The following NXPE2 variants were observed in gnomAD, a reference collection of about 807,000 sequenced individuals.
NXPE2 encodes NXPE family member 2.
In NXPE2, 34 loss-of-function variants were observed where a neutral mutation model predicts 34.4. That is an observed-to-expected ratio of 0.99 (90% CI 0.75 to 1.31). The LOEUF (loss-of-function observed/expected upper bound fraction) is 1.31. Among genes scored for constraint, NXPE2 ranks in the 40% most tolerant of loss-of-function variants. The pLI is 0.00. For missense variants in NXPE2, 649 were observed against 672.5 expected, an observed-to-expected ratio of 0.97 and a Z score of 0.39; for synonymous variants, 235 against 231.3, an observed-to-expected ratio of 1.02 and a Z score of -0.15.
chr11:114,562,895 A>T, the NXPE2 span, among the ~76,000 whole-genome samples: 1 of 152,152 alleles, frequency 6.6e-6, no homozygotes, highest in Non-Finnish European at 1.5e-5. Context: ...TAGTCCTAAC[A>T]TGCTTAAGCC....
the NXPE2 span, among the ~76,000 whole-genome samples, chr11:114,507,020 A>G: frequency 3.9e-5 from 6 of 152,230 alleles, no homozygotes; most frequent in Admixed American, 6.5e-5. Context: ...AATAAACACA[A>G]TCAGAAATGA....
the NXPE2 span, among the ~76,000 whole-genome samples, chr11:114,578,974 A>C: frequency 6.6e-6 from 1 of 152,166 alleles, no homozygotes. Context: ...TCTTCTATAC[A>C]GACTTGTACT....
chr11:114,527,280 G>T, the NXPE2 span: 1 of 152,298 alleles, frequency 6.6e-6, no homozygotes, highest in East Asian at 1.9e-4. Context: ...TGAATAAATG[G>T]TGGCAATAAA....
chr11:114,729,555 C>T, the NXPE2 span, among the ~76,000 whole-genome samples: 1 of 152,124 alleles, frequency 6.6e-6, no homozygotes, highest in South Asian at 2.1e-4. Context: ...CTTTTCTCTA[C>T]AGCCTTGCCA....
At chr11:114,810,902 G>A in the NXPE2 span, among the ~76,000 whole-genome samples, 5 of 151,996 alleles carry the variant, frequency 3.3e-5, no homozygotes, top group Admixed American at 2.0e-4. Flanking sequence ...TGTTTATAGT[G>A]GCACTATTCA....
intron 2 of NXPE2, among the ~76,000 whole-genome samples, chr11:114,687,775 C>T (rs1047732855): frequency 2.0e-5 from 3 of 151,950 alleles, no homozygotes; most frequent in African/African-American, 7.2e-5. Context: ...TGATCTTTCT[C>T]CTCAACGTTT....
At chr11:114,778,362 C>T in the NXPE2 span, among the ~76,000 whole-genome samples, 1 of 152,078 alleles carries the variant, frequency 6.6e-6, no homozygotes, top group Non-Finnish European at 1.5e-5. Flanking sequence ...AAGTTTTCTT[C>T]CCAAGAATGA....
At chr11:114,632,202 ATAT>A in the NXPE2 span, among the ~76,000 whole-genome samples, 15 of 141,460 alleles carry the variant, frequency 1.1e-4, no homozygotes, top group Middle Eastern at 3.3e-3. Context: ...TCATATATAC[ATAT>A]TATATATGTA....
the NXPE2 span, among the ~76,000 whole-genome samples, chr11:114,611,713 T>A: frequency 0.019 from 2,856 of 151,790 alleles, 88 homozygotes; most frequent in African/African-American, 0.065. Context: ...TAGTTAGTAT[T>A]GCCTTGTGGG....
At chr11:114,627,706 T>A in the NXPE2 span, among the ~76,000 whole-genome samples, 1 of 152,078 alleles carries the variant, frequency 6.6e-6, no homozygotes, top group Non-Finnish European at 1.5e-5. Flanking sequence ...AATGCTCCAA[T>A]TAAAAGACAC....
At chr11:114,740,179 T>C in the NXPE2 span, among the ~76,000 whole-genome samples, 5 of 152,326 alleles carry the variant, frequency 3.3e-5, no homozygotes, top group Non-Finnish European at 5.9e-5. Context: ...GTTAGGTATA[T>C]GTGGTCTTTC....
the NXPE2 span, among the ~76,000 whole-genome samples, chr11:114,542,333 A>G: frequency 6.6e-6 from 1 of 152,194 alleles, no homozygotes. Context: ...TAATGAAAAC[A>G]TTAGAATTCA....
the NXPE2 span, among the ~76,000 whole-genome samples, chr11:114,802,617 ATT>A: frequency 6.6e-6 from 1 of 151,790 alleles, no homozygotes; most frequent in South Asian, 2.1e-4. Context: ...ACAGTCTTTT[ATT>A]TTTTTTAATA....
At chr11:114,611,099 G>T in the NXPE2 span, among the ~76,000 whole-genome samples, 2 of 151,140 alleles carry the variant, frequency 1.3e-5, no homozygotes, top group African/African-American at 2.4e-5. Flanking sequence ...GTGTTGCCTC[G>T]TGGGAAACCA....
At chr11:114,813,219 C>T in the NXPE2 span, among the ~76,000 whole-genome samples, 5 of 152,344 alleles carry the variant, frequency 3.3e-5, no homozygotes, top group African/African-American at 1.2e-4. Context: ...ACAGGTTCCT[C>T]CCAGGAGCTG....
chr11:114,811,887 C>G, the NXPE2 span, among the ~76,000 whole-genome samples: 2 of 152,192 alleles, frequency 1.3e-5, no homozygotes, highest in South Asian at 4.2e-4. Flanking sequence ...TCAGTTTTCT[C>G]ATCTGTAAAC....
chr11:114,711,979 G>A (rs1859622299), downstream of NXPE2, among the ~76,000 whole-genome samples: 1 of 152,100 alleles, frequency 6.6e-6, no homozygotes. Context: ...CAGGAAGTGT[G>A]CCACAACTAC....
At chr11:114,799,868 C>G in the NXPE2 span, among the ~76,000 whole-genome samples, 1 of 151,500 alleles carries the variant, frequency 6.6e-6, no homozygotes, top group Admixed American at 6.6e-5. Flanking sequence ...TTCATCTCAC[C>G]CTCCCTCCCT....
chr11:114,711,542 G>A (rs1461506952), downstream of NXPE2, among the ~76,000 whole-genome samples: 2 of 152,046 alleles, frequency 1.3e-5, no homozygotes, highest in East Asian at 1.9e-4. Context: ...GGATAAAATA[G>A]CTAGCAATAT....
Sources: allele counts gnomAD v4.1 joint callset (sites outside exome capture counted in the v4.1 genomes callset), GRCh38; gene constraint gnomAD v4.1.1; transcripts MANE v1.5; gene names NCBI Gene and HGNC (gene_info 2026-07-23, HGNC 2026-07-21).